Variants in PCDH18 observed in about 807,000 individuals in gnomAD.
PCDH18 encodes the protein protocadherin-18.
In PCDH18, 38 loss-of-function variants were observed where a neutral mutation model predicts 71.5. The observed-to-expected ratio is 0.53, with a 90% CI of 0.41 to 0.70. The LOEUF (loss-of-function observed/expected upper bound fraction) is 0.70. PCDH18 is among the 30% of genes least tolerant of loss of function. The pLI, the probability that PCDH18 is intolerant of heterozygous loss-of-function variation, is 0.00. For synonymous variants in PCDH18, 565 were observed against 505.4 expected (o/e 1.12, Z -1.58); for missense variants, 1,334 against 1,384.6 (o/e 0.96, Z 0.58).
At chr4:137,527,761 A>G (rs1731520370) in intron 3 of PCDH18, among the ~76,000 whole-genome samples, 1 of 152,180 alleles carries the variant, frequency 6.6e-6, no homozygotes, top group African/African-American at 2.4e-5. Context: ...AGGATAATAT[A>G]ATCAGTATTT....
rs770878655 is a variant in PCDH18, at chr4:137,528,853, A to G, written c.2488-33T>C. 3.1e-5 allele frequency: 45 copies of G among 1,437,322 alleles called. No homozygotes were observed. In the Middle Eastern group the frequency reaches 7.0e-4, roughly 22 times the overall value. 89.0% of individuals were successfully genotyped at this position (1,437,322 alleles called of 1,614,324 possible). A position where few individuals can be genotyped will look rare whatever the true frequency, so the allele number is the denominator to read the frequency against. On this transcript the variant is annotated intron_variant, in intron 1 of 3. Transcript: ENST00000344876. ...CCAAATAGACAGAACTGATTCCCGG[A>G]AACAAGCCTCCAAACACTCACAATC...
In PCDH18 at chr4:137,521,594, A is replaced by T; in HGVS notation, c.2843T>A (p.Phe948Tyr). 6.2e-7 allele frequency: 1 copy of T among 1,613,978 alleles called. No individual in the cohort carries two copies. Among genetic ancestry groups the T allele is most frequent in the Non-Finnish European group, 8.5e-7 (1 of 1,180,014 alleles). Reference protein sequence around the residue: ...SPSSDYRSNMFIPGEEFPTQP... With the variant: ...SPSSDYRSNMYIPGEEFPTQP... The stretch of plus-strand genomic sequence containing the variant: ...CGTTGGGAATTCTTCCCCTGGAATG[A>T]ACATGTTACTCCTATAATCAGAAGA... The change falls in exon 4 of 4, where the codon TTC becomes TAC. Residue 948 changes from phenylalanine (F) to tyrosine (Y), a missense_variant. Phe to Tyr is a conservative substitution (Grantham distance 22). Around this residue, in one of 3 missense-constraint regions of PCDH18, gnomAD observed 319 missense variants for 316.3 expected, o/e 1.01. Transcript: ENST00000344876.
At position 137,521,421 on chromosome 4, in the gene PCDH18, A is replaced by G; in HGVS notation, c.3016T>C (p.Ser1006Pro). 1 of 1,614,160 alleles carries G rather than the reference A, an allele frequency of 6.2e-7. No individual in the cohort carries two copies. The highest frequency in any genetic ancestry group is 8.5e-7 in the Non-Finnish European group (1 of 1,180,022). Residue 1006 changes from serine (S) to proline (P), a missense_variant, in exon 4 of 4, where the codon TCG (serine) becomes CCG (proline). Coordinates refer to ENST00000344876, the MANE Select transcript of PCDH18 (RefSeq NM_019035.5). Reference protein sequence around the residue: ...TGDTSTSSLLSEMSSVFQRLL... With the variant: ...TGDTSTSSLLPEMSSVFQRLL... ...CGCTGGAACACACTGCTCATTTCCG[A>G]GAGCAGAGATGATGTGCTGGTATCC...
At chr4:137,525,963 C>T (rs974088779) in intron 3 of PCDH18, among the ~76,000 whole-genome samples, 3 of 151,944 alleles carry the variant, frequency 2.0e-5, no homozygotes, top group African/African-American at 7.2e-5. Context: ...TCACTAAACA[C>T]AATTCAGTTT....
chr4:137,529,890 G>A lies in PCDH18; in HGVS notation c.2199C>T (p.Ser733=), dbSNP rs181047018. ...RCNREKKDTR[S]YNCRVAESTY... ...TTGATTCGGCCACCCTGCAGTTATA[G>A]GATCTAGTGTCTTTCTTCTCGCGGT... Residue 733 remains serine, a synonymous_variant, in exon 1 of 4, where the codon TCC becomes TCT. Transcript: ENST00000344876. The A allele has an allele frequency of 1.6e-5, 26 of 1,613,888 alleles. No individual in the cohort carries two copies. The Admixed American group carries it at 2.8e-4, about 18-fold the overall frequency.
At chr4:137,527,992 A>C (rs897245163) in intron 3 of PCDH18, among the ~76,000 whole-genome samples, 4 of 152,132 alleles carry the variant, frequency 2.6e-5, no homozygotes, top group African/African-American at 9.7e-5. Context: ...TAATGCTTGA[A>C]GTGTACAATT....
At position 137,532,059 on chromosome 4, in the gene PCDH18, A is replaced by G. The variant is rs1458473465; in HGVS notation, c.30T>C (p.Phe10=). The part of the protein sequence containing the change: MHQMNAKMH[F]RFVFALLIVS... ...CTATCAGAAGTGCAAAAACAAACCT[A>G]AAGTGCATTTTAGCATTCATTTGGT... Residue 10 remains phenylalanine (F), a synonymous_variant, in exon 1 of 4, where the codon TTT becomes TTC. Transcript: ENST00000344876. 1 of 1,611,026 alleles carries G rather than the reference A, an allele frequency of 6.2e-7. No homozygotes were observed. Among genetic ancestry groups the G allele is most frequent in the Non-Finnish European group, 8.5e-7 (1 of 1,178,400 alleles).
chr4:137,521,980 A>G (rs1422118584), intron 3 of PCDH18, among the ~76,000 whole-genome samples: 1 of 152,180 alleles, frequency 6.6e-6, no homozygotes, highest in Non-Finnish European at 1.5e-5. Context: ...TTGATAAAGT[A>G]TACGTGGGAA....
At chr4:137,525,099 A>G (rs1029815449) in intron 3 of PCDH18, among the ~76,000 whole-genome samples, 17 of 152,314 alleles carry the variant, frequency 1.1e-4, no homozygotes, top group African/African-American at 3.4e-4. Flanking sequence ...CGGCTGTATA[A>G]ATCATCCTGG....
intron 3 of PCDH18, among the ~76,000 whole-genome samples, chr4:137,527,387 T>C (rs1319081105): frequency 6.6e-6 from 1 of 152,196 alleles, no homozygotes; most frequent in African/African-American, 2.4e-5. Context: ...TTTTTATTTG[T>C]ATTGTTTTTT....
At chr4:137,526,985 A>C (rs1731483094) in intron 3 of PCDH18, among the ~76,000 whole-genome samples, 1 of 151,092 alleles carries the variant, frequency 6.6e-6, no homozygotes, top group Admixed American at 6.6e-5. Flanking sequence ...AAAAAATAGA[A>C]GCCTGTTACT....
Position 137,530,618 on chromosome 4 carries a change from C to G in PCDH18, c.1471G>C (p.Asp491His). The stretch of plus-strand genomic sequence containing the variant: ...TGCCCATTTTCTCCAAGATCAGGAT[C>G]TGTGGCTGTAACAGTGGTGATATAT... ...GAYITTVTAT[D>H]PDLGENGQVT... is the part of the protein sequence containing the mutation. The change falls in exon 1 of 4, where the codon GAT (aspartate) becomes CAT (histidine). Residue 491 changes from aspartate to histidine, a missense_variant. This residue lies in a region of PCDH18 where 1,011 missense variants were observed against 1,048.0 expected (regional missense o/e 0.96). Transcript: ENST00000344876. The G allele has an allele frequency of 6.2e-7, 1 of 1,614,136 alleles. No homozygotes were observed. Among genetic ancestry groups the G allele is most frequent in the Non-Finnish European group, 8.5e-7 (1 of 1,180,012 alleles).
At chr4:137,528,443 C>A (rs1451771563) in intron 3 of PCDH18, 35 bp downstream of exon 3, 1 of 1,589,316 alleles carries the variant, frequency 6.3e-7, no homozygotes, top group Non-Finnish European at 8.6e-7. Context: ...CACGGTAGAC[C>A]TGAAAATAAA....
chr4:137,529,913 G>T lies in PCDH18; in HGVS notation c.2176C>A (p.Arg726Ser), dbSNP rs745658261. The change falls in exon 1 of 4, where the codon CGC (arginine) becomes AGC (serine). Residue 726 changes from arginine (R) to serine (S), a missense_variant. By Grantham distance (110) the Arg-to-Ser change is moderately radical. Transcript: ENST00000344876. ...TAGGATCTAGTGTCTTTCTTCTCGC[G>T]GTTACACCTAGTTGCAAATAGCACC... ...IMVLFATRCN[R>S]EKKDTRSYNC... The T allele has an allele frequency of 6.2e-7, 1 of 1,613,746 alleles. No individual in the cohort carries two copies. The highest frequency in any genetic ancestry group is 2.2e-5 in the East Asian group (1 of 44,856).
intron 3 of PCDH18, 32 bp downstream of exon 3, chr4:137,528,446 A>G: frequency 6.3e-7 from 1 of 1,597,374 alleles, no homozygotes; most frequent in Non-Finnish European, 8.6e-7. Context: ...GGTAGACCTG[A>G]AAATAAAGAT....
At chr4:137,522,418 G>A (rs1034444757) in intron 3 of PCDH18, among the ~76,000 whole-genome samples, 1 of 151,994 alleles carries the variant, frequency 6.6e-6, no homozygotes, top group Admixed American at 6.6e-5. Flanking sequence ...ATGGGAATAT[G>A]AGTGGCCACA....
Position 137,531,091 on chromosome 4 carries a change from G to C in PCDH18, c.998C>G (p.Ser333Ter). Residue 333 changes from serine (S) to a stop codon, truncating the protein, a stop_gained, in exon 1 of 4, where the codon TCA (serine) becomes TGA (stop). Coordinates refer to ENST00000344876, the MANE Select transcript of PCDH18 (RefSeq NM_019035.5). LOFTEE classifies it high-confidence loss of function. ...DVQAQDLGPN[S>*]IPAHCKIIIK... The stretch of plus-strand genomic sequence containing the variant: ...TATAATTTTGCAATGGGCTGGGATT[G>C]AATTTGGACCCAAATCTTGAGCCTG... 6.2e-7 allele frequency: 1 copy of C among 1,613,622 alleles called. No homozygotes were observed. Among genetic ancestry groups the C allele is most frequent in the Non-Finnish European group, 8.5e-7 (1 of 1,179,706 alleles).
In PCDH18 at chr4:137,530,595, C is replaced by A. The variant is rs1560727309; in HGVS notation, c.1494G>T (p.Gly498=). ...TATDPDLGEN[G]QVTYTILESF... ...TCTCCAAGATGGTGTATGTCACTTG[C>A]CCATTTTCTCCAAGATCAGGATCTG... Residue 498 remains glycine (G), a synonymous_variant, in exon 1 of 4, where the codon GGG becomes GGT. Transcript: ENST00000344876. The A allele has an allele frequency of 6.2e-7, 1 of 1,614,098 alleles. No individual in the cohort carries two copies. The highest frequency in any genetic ancestry group is 8.5e-7 in the Non-Finnish European group (1 of 1,180,006).
intron 1 of PCDH18, chr4:137,529,332 G>A: frequency 2.9e-6 from 1 of 339,136 alleles, no homozygotes. Flanking sequence ...TGGGAAGCAA[G>A]GGGACTCTAA....
Sources: gnomAD v4.1 joint callset for allele counts (sites outside exome capture counted in the v4.1 genomes callset) on GRCh38, gnomAD v4.1.1 for gene constraint, gnomAD v4.1.1 regional missense constraint, MANE v1.5 for transcripts, NCBI Gene and HGNC (gene_info 2026-07-23, HGNC 2026-07-21) for gene names.